The following CAMKMT variants were observed in gnomAD, a reference collection of about 807,000 sequenced individuals.
The protein encoded by CAMKMT is CaM KMT.
A neutral mutation model predicts 48.0 loss-of-function variants in CAMKMT; 53 were observed. That is an observed-to-expected ratio of 1.10 (90% CI 0.89 to 1.39). CAMKMT has a LOEUF of 1.39. Ranked by LOEUF, CAMKMT falls within the 40% of genes most tolerant of loss-of-function variation. The probability of loss-of-function intolerance (pLI) is 0.00; values close to 1 mark genes in which losing one functional copy is unlikely to be tolerated. For missense variants in CAMKMT, 428 were observed against 402.7 expected (o/e 1.06, Z -0.54); for synonymous variants, 165 against 152.3 (o/e 1.08, Z -0.61).
At chr2:44,397,087 C>G (rs867731021) in intron 3 of CAMKMT, among the ~76,000 whole-genome samples, 5 of 150,322 alleles carry the variant, frequency 3.3e-5, no homozygotes, top group Admixed American at 6.6e-5. Context: ...AAAAAGTACA[C>G]AATATTTTGT....
intron 3 of CAMKMT, among the ~76,000 whole-genome samples, chr2:44,590,726 T>G (rs1291606906): frequency 6.6e-6 from 1 of 152,194 alleles, no homozygotes; most frequent in African/African-American, 2.4e-5. Flanking sequence ...TGATGGTAGT[T>G]TCTTTTGCTG....
rs146418795 is a variant in CAMKMT at position 44,560,746 on chromosome 2, C to T, written c.377-143537C>T. On this transcript the variant is annotated intron_variant, in intron 3 of 10. Coordinates refer to ENST00000378494, the MANE Select transcript of CAMKMT (RefSeq NM_024766.5). ...ATCATCTGAACAAAGCCTACCTATGCCCATCTCCATTTCCCTGGCAGCTCC... is the reference window on the plus strand; with the variant it reads ...ATCATCTGAACAAAGCCTACCTATGTCCATCTCCATTTCCCTGGCAGCTCC... Among the ~76,000 whole-genome samples the T allele has an allele frequency of 7.5e-3, 1,141 of 152,278 alleles. 17 individuals carry two copies. Among genetic ancestry groups the T allele is most frequent in the African/African-American group, 0.026 (1,097 of 41,560 alleles).
intron 3 of CAMKMT, among the ~76,000 whole-genome samples, chr2:44,436,399 C>A (rs571773395): frequency 3.3e-5 from 5 of 152,058 alleles, no homozygotes; most frequent in Non-Finnish European, 7.4e-5. Flanking sequence ...CACTTCAGAG[C>A]CTCTGCCTCC....
chr2:44,427,677 A>AT (rs889284359), intron 3 of CAMKMT, among the ~76,000 whole-genome samples: 20 of 151,400 alleles, frequency 1.3e-4, no homozygotes, highest in African/African-American at 3.1e-4. Context: ...GTGTATATGT[A>AT]TTTTTTTTTA....
intron 3 of CAMKMT, among the ~76,000 whole-genome samples, chr2:44,462,093 T>C (rs1341432315): frequency 1.3e-5 from 2 of 152,224 alleles, no homozygotes; most frequent in African/African-American, 4.8e-5. Context: ...CAAACTGATA[T>C]TAAATGATTG....
chr2:44,373,193 G>T (rs932772554), intron 2 of CAMKMT, among the ~76,000 whole-genome samples: 4 of 152,152 alleles, frequency 2.6e-5, no homozygotes, highest in African/African-American at 9.7e-5. Context: ...TGTTTGTTCT[G>T]AGGCAAAGAA....
At chr2:44,663,122 A>G (rs1244358398) in intron 3 of CAMKMT, among the ~76,000 whole-genome samples, 1 of 152,232 alleles carries the variant, frequency 6.6e-6, no homozygotes, top group African/African-American at 2.4e-5. Flanking sequence ...TTATAAAATC[A>G]GGAAATTTAA....
At chr2:44,405,903 C>A (rs967251637) in intron 3 of CAMKMT, among the ~76,000 whole-genome samples, 2 of 152,068 alleles carry the variant, frequency 1.3e-5, no homozygotes, top group Non-Finnish European at 2.9e-5. Flanking sequence ...AGACTTTGGC[C>A]TTTTATATAT....
intron 3 of CAMKMT, among the ~76,000 whole-genome samples, chr2:44,685,475 G>T (rs985899190): frequency 2.0e-5 from 3 of 152,144 alleles, no homozygotes; most frequent in African/African-American, 7.2e-5. Context: ...TAGCTAGAGA[G>T]AATCTCCCCA....
intron 6 of CAMKMT, among the ~76,000 whole-genome samples, chr2:44,711,131 G>A (rs550680841): frequency 1.2e-4 from 18 of 152,246 alleles, no homozygotes; most frequent in Non-Finnish European, 2.4e-4. Context: ...TTAATAACAC[G>A]GAAATCCCGG....
intron 3 of CAMKMT, among the ~76,000 whole-genome samples, chr2:44,480,539 T>G (rs1399769813): frequency 6.6e-6 from 1 of 152,174 alleles, no homozygotes; most frequent in Non-Finnish European, 1.5e-5. Context: ...ACCCTTGTCT[T>G]ATTGCTCAAA....
At chr2:44,430,627 G>GC (rs1421235525) in intron 3 of CAMKMT, among the ~76,000 whole-genome samples, 1 of 151,806 alleles carries the variant, frequency 6.6e-6, no homozygotes, top group Non-Finnish European at 1.5e-5. Context: ...CTCCTCCCAG[G>GC]CCCCCGAGGT....
chr2:44,750,010 C>T (rs1352736632), intron 8 of CAMKMT, among the ~76,000 whole-genome samples: 1 of 152,178 alleles, frequency 6.6e-6, no homozygotes, highest in Non-Finnish European at 1.5e-5. Context: ...AGTGTTCTAG[C>T]TTAAGGTAAG....
intron 8 of CAMKMT, among the ~76,000 whole-genome samples, chr2:44,748,365 A>T (rs1001176039): frequency 6.6e-6 from 1 of 152,114 alleles, no homozygotes; most frequent in Admixed American, 6.5e-5. Flanking sequence ...TTATAAGGGC[A>T]TGTTTGAAGC....
intron 3 of CAMKMT, among the ~76,000 whole-genome samples, chr2:44,620,566 G>A (rs1672124602): frequency 6.6e-6 from 1 of 152,132 alleles, no homozygotes; most frequent in South Asian, 2.1e-4. Flanking sequence ...CATTGAAACA[G>A]GAACTATTTC....
chr2:44,689,085 G>C (rs1676490033), intron 3 of CAMKMT, among the ~76,000 whole-genome samples: 3 of 152,098 alleles, frequency 2.0e-5, no homozygotes, highest in Admixed American at 2.0e-4. Flanking sequence ...TAACTCCAGG[G>C]AAGAAGCTCA....
At chr2:44,441,338 G>C (rs996427012) in intron 3 of CAMKMT, among the ~76,000 whole-genome samples, 4 of 152,038 alleles carry the variant, frequency 2.6e-5, no homozygotes, top group African/African-American at 9.7e-5. Context: ...AGTGTTGCTG[G>C]GTGATAACAT....
intron 7 of CAMKMT, among the ~76,000 whole-genome samples, chr2:44,722,516 G>T (rs1678526979): frequency 6.6e-6 from 1 of 151,900 alleles, no homozygotes; most frequent in Non-Finnish European, 1.5e-5. Context: ...CCACCTCTTA[G>T]TGGGTTGCCC....
intron 3 of CAMKMT, among the ~76,000 whole-genome samples, chr2:44,521,189 G>A (rs1671088582): frequency 1.3e-5 from 2 of 152,282 alleles, no homozygotes; most frequent in African/African-American, 4.8e-5. Context: ...ACGTTTATTA[G>A]ATGCTCTGCT....
Sources: gnomAD v4.1 joint callset for allele counts (sites outside exome capture counted in the v4.1 genomes callset) on GRCh38, gnomAD v4.1.1 for gene constraint, MANE v1.5 for transcripts, NCBI Gene and HGNC (gene_info 2026-07-23, HGNC 2026-07-21) for gene names.